The following LRRTM4 variants were observed in gnomAD, a reference collection of about 807,000 sequenced individuals.
The protein encoded by LRRTM4 is leucine rich repeat transmembrane neuronal 4, also known as leucine-rich repeat transmembrane neuronal protein 4.
LRRTM4 carries 25 observed loss-of-function variants against 47.6 expected under a neutral mutation model. The observed-to-expected ratio is 0.53, with a 90% confidence interval of 0.38 to 0.73. LRRTM4 has a LOEUF of 0.73. LRRTM4 is among the 30% of genes least tolerant of loss of function. The probability of loss-of-function intolerance (pLI) is 0.00; values close to 1 mark genes in which losing one functional copy is unlikely to be tolerated. For synonymous variants in LRRTM4, 311 were observed against 269.5 expected, an observed-to-expected ratio of 1.15 and a Z score of -1.51; for missense variants, 638 against 713.4, an observed-to-expected ratio of 0.89 and a Z score of 1.20.
chr2:77,127,087 T>G (rs1016959320), intron 3 of LRRTM4, among the ~76,000 whole-genome samples: 1 of 152,202 alleles, frequency 6.6e-6, no homozygotes, highest in African/African-American at 2.4e-5. Flanking sequence ...AAAACACTTA[T>G]GTGATATGTC....
chr2:76,929,822 C>T (rs1674709450), intron 3 of LRRTM4, among the ~76,000 whole-genome samples: 1 of 152,044 alleles, frequency 6.6e-6, no homozygotes, highest in African/African-American at 2.4e-5. Context: ...GTTACCTCAT[C>T]TATCCTATCT....
chr2:77,348,513 A>G (rs2104291001), intron 3 of LRRTM4, among the ~76,000 whole-genome samples: 1 of 150,444 alleles, frequency 6.6e-6, no homozygotes, highest in African/African-American at 2.4e-5. Flanking sequence ...CAATGTTATG[A>G]AAAGATAAAA....
intron 3 of LRRTM4, among the ~76,000 whole-genome samples, chr2:77,062,554 A>G (rs1048516025): frequency 6.6e-6 from 1 of 152,176 alleles, no homozygotes; most frequent in Non-Finnish European, 1.5e-5. Flanking sequence ...TTATCTGGAA[A>G]ATGACCTCGT....
At chr2:76,869,949 C>T (rs184730524) in intron 3 of LRRTM4, among the ~76,000 whole-genome samples, 38 of 152,142 alleles carry the variant, frequency 2.5e-4, no homozygotes, top group Non-Finnish European at 3.8e-4. Context: ...TAGTATAAGT[C>T]ATTTAGGACA....
intron 3 of LRRTM4, among the ~76,000 whole-genome samples, chr2:77,096,269 C>T (rs1291975944): frequency 6.6e-6 from 1 of 151,318 alleles, no homozygotes; most frequent in Admixed American, 6.6e-5. Context: ...GGAATAATGC[C>T]TTCAAAATTT....
At position 77,209,001 on chromosome 2, in the gene LRRTM4, C is replaced by T. The variant is rs144574439; in HGVS notation, c.1551+309317G>A. On this transcript the variant is annotated intron_variant, in intron 3 of 3. Coordinates refer to ENST00000409884, the MANE Select transcript of LRRTM4 (RefSeq NM_001134745.3). ...TAATTTTACCAGGTGAAATTTCACCCCTTATCTAACCTTCACTCAGCCTTC... is the reference window on the plus strand; with the variant it reads ...TAATTTTACCAGGTGAAATTTCACCTCTTATCTAACCTTCACTCAGCCTTC... 2.6e-5 allele frequency among the ~76,000 whole-genome samples: 4 copies of T among 152,048 alleles called. No homozygotes were observed. In the East Asian group the frequency reaches 7.8e-4, roughly 30 times the overall value.
At chr2:77,310,232 A>G (rs1199735800) in intron 3 of LRRTM4, among the ~76,000 whole-genome samples, 2 of 152,136 alleles carry the variant, frequency 1.3e-5, no homozygotes, top group African/African-American at 4.8e-5. Flanking sequence ...GACAATGGCT[A>G]TCTCTACTAG....
At chr2:76,936,849 G>A (rs1204824725) in intron 3 of LRRTM4, among the ~76,000 whole-genome samples, 2 of 149,178 alleles carry the variant, frequency 1.3e-5, no homozygotes, top group African/African-American at 4.9e-5. Flanking sequence ...AGCTACTCAG[G>A]AGGCTGAGGC....
intron 3 of LRRTM4, among the ~76,000 whole-genome samples, chr2:76,974,745 T>G (rs760727453): frequency 3.3e-5 from 5 of 151,672 alleles, no homozygotes; most frequent in Non-Finnish European, 5.9e-5. Flanking sequence ...TATTATAAAT[T>G]TAATTTTCCA....
chr2:77,501,526 A>T (rs956547382), intron 3 of LRRTM4, among the ~76,000 whole-genome samples: 1 of 151,070 alleles, frequency 6.6e-6, no homozygotes, highest in African/African-American at 2.4e-5. Context: ...AATAAAAAGC[A>T]TGAGACTATT....
chr2:77,340,251 C>T (rs1671323903), intron 3 of LRRTM4, among the ~76,000 whole-genome samples: 1 of 151,688 alleles, frequency 6.6e-6, no homozygotes, highest in South Asian at 2.1e-4. Flanking sequence ...GGTTGAGAAC[C>T]TGGCTTAAGA....
chr2:77,360,425 T>C (rs1057097202), intron 3 of LRRTM4, among the ~76,000 whole-genome samples: 1 of 151,924 alleles, frequency 6.6e-6, no homozygotes, highest in Admixed American at 6.6e-5. Context: ...GCCACTGCAC[T>C]GTAGCCTGGG....
chr2:76,900,819 C>T (rs1441970288), intron 3 of LRRTM4, among the ~76,000 whole-genome samples: 3 of 152,076 alleles, frequency 2.0e-5, no homozygotes, highest in Non-Finnish European at 4.4e-5. Context: ...TCACAATATG[C>T]TAAGTAAAAA....
Position 76,878,453 on chromosome 2 carries a change from G to T in LRRTM4, c.1552-129537C>A, listed in dbSNP as rs561862580. Among the ~76,000 whole-genome samples, 10 of 151,874 alleles carry T rather than the reference G, an allele frequency of 6.6e-5. 1 individual carries two copies. The South Asian group carries it at 2.1e-3, about 32-fold the overall frequency. On this transcript the variant is annotated intron_variant, in intron 3 of 3. Coordinates refer to ENST00000409884, the MANE Select transcript of LRRTM4 (RefSeq NM_001134745.3). ...GGTTAGTGAGAAAGACATATTAAAAGCAAGGACAGTCCAAAAGGTAGGCCT... is the reference window on the plus strand; with the variant it reads ...GGTTAGTGAGAAAGACATATTAAAATCAAGGACAGTCCAAAAGGTAGGCCT...
At chr2:76,956,562 A>G (rs993116000) in intron 3 of LRRTM4, among the ~76,000 whole-genome samples, 1 of 151,404 alleles carries the variant, frequency 6.6e-6, no homozygotes, top group East Asian at 1.9e-4. Context: ...CTAGAAAAAT[A>G]AGAATGATCT....
intron 3 of LRRTM4, among the ~76,000 whole-genome samples, chr2:76,935,235 C>A (rs922681613): frequency 1.3e-5 from 2 of 151,974 alleles, no homozygotes; most frequent in African/African-American, 4.8e-5. Context: ...ATTATATATG[C>A]AAAAGCTTTG....
intron 3 of LRRTM4, among the ~76,000 whole-genome samples, chr2:77,139,704 T>A (rs929640426): frequency 6.6e-6 from 1 of 152,174 alleles, no homozygotes; most frequent in Non-Finnish European, 1.5e-5. Context: ...GTAGATGATA[T>A]GATTATATAT....
chr2:77,064,883 A>G (rs1248338057), intron 3 of LRRTM4, among the ~76,000 whole-genome samples: 2 of 151,930 alleles, frequency 1.3e-5, no homozygotes, highest in African/African-American at 4.8e-5. Context: ...CCTTGACTTA[A>G]CCTACCCTTA....
intron 3 of LRRTM4, among the ~76,000 whole-genome samples, chr2:77,152,753 T>C (rs190303283): frequency 1.4e-3 from 220 of 152,294 alleles, no homozygotes; most frequent in Middle Eastern, 6.8e-3. Flanking sequence ...AACAACACAA[T>C]AGGTGCTAAG....
Sources: gnomAD v4.1 joint callset for allele counts (sites outside exome capture counted in the v4.1 genomes callset) on GRCh38, gnomAD v4.1.1 for gene constraint, MANE v1.5 for transcripts, NCBI Gene and HGNC (gene_info 2026-07-23, HGNC 2026-07-21) for gene names.